The following EPHA3 variants were observed in gnomAD, a reference collection of about 807,000 sequenced individuals.
EPHA3 encodes EPH receptor A3, also known as ephrin type-A receptor 3.
In EPHA3, 42 loss-of-function variants were observed where a neutral mutation model predicts 107.1. The observed-to-expected ratio is 0.39, with a 90% CI of 0.31 to 0.51. The LOEUF (loss-of-function observed/expected upper bound fraction) is 0.51, where lower values mean the gene tolerates loss of function less well. Ranked by LOEUF, EPHA3 falls within the 20% of genes least tolerant of loss-of-function variation. EPHA3 has a pLI of 0.78. For missense variants in EPHA3, 1,183 were observed against 1,211.2 expected, an observed-to-expected ratio of 0.98 and a Z score of 0.35; for synonymous variants, 461 against 424.8, an observed-to-expected ratio of 1.09 and a Z score of -1.05.
At chr3:89,265,101 T>C (rs1448552774) in intron 3 of EPHA3, among the ~76,000 whole-genome samples, 1 of 152,148 alleles carries the variant, frequency 6.6e-6, no homozygotes, top group Non-Finnish European at 1.5e-5. Flanking sequence ...TCAGCAACAA[T>C]ATAGAGAGAC....
rs55794052 is a variant in EPHA3, at chr3:89,429,695, CATCTATCTATCT to C, written c.2136+563_2136+574del. Among the ~76,000 whole-genome samples the C allele has an allele frequency of 2.9e-3, 429 of 149,240 alleles. 1 individual carries two copies. Among genetic ancestry groups the C allele is most frequent in the Admixed American group, 6.9e-3 (103 of 14,854 alleles). On this transcript the variant is annotated intron_variant, in intron 12 of 16. Transcript: ENST00000336596. ...TGAGAAGCTTTATACGTTTATCTAT[CATCTATCTATCT>C]ATCTATCTATCTATCTATCTATCTA...
At chr3:89,478,146 T>C (rs537911081) in intron 16 of EPHA3, among the ~76,000 whole-genome samples, 55 of 152,316 alleles carry the variant, frequency 3.6e-4, no homozygotes, top group Non-Finnish European at 7.3e-4. Flanking sequence ...GCTGTCTTTT[T>C]TACCTAAATG....
intron 3 of EPHA3, among the ~76,000 whole-genome samples, chr3:89,214,435 G>T (rs762584518): frequency 1.5e-4 from 23 of 151,820 alleles, no homozygotes; most frequent in Non-Finnish European, 3.2e-4. Flanking sequence ...AGAACATTTA[G>T]ATATGATGAA....
rs1239232495 is a variant in EPHA3, at chr3:89,472,491, C to T, written c.2718C>T (p.Ser906=). Residue 906 remains serine (S), a synonymous_variant, in exon 16 of 17, where the codon AGC becomes AGT. Coordinates refer to ENST00000336596, the MANE Select transcript of EPHA3 (RefSeq NM_005233.6). ...ARPSNLLLDQ[S]NVDITTFRTT... Reference sequence around the variant, plus strand: ...CATCAAACCTTCTTCTGGACCAAAGCAATGTGGATATCACTACCTTCCGCA... The same window carrying T: ...CATCAAACCTTCTTCTGGACCAAAGTAATGTGGATATCACTACCTTCCGCA... 9 of 1,613,852 alleles carry T rather than the reference C, an allele frequency of 5.6e-6. No homozygotes were observed. In the East Asian group the frequency reaches 8.9e-5, roughly 16 times the overall value.
At chr3:89,308,434 T>A (rs1706679310) in intron 3 of EPHA3, among the ~76,000 whole-genome samples, 1 of 152,048 alleles carries the variant, frequency 6.6e-6, no homozygotes, top group African/African-American at 2.4e-5. Flanking sequence ...GCTATAATAG[T>A]GTGTGGGTGG....
At chr3:89,124,054 A>G (rs116600576) in intron 1 of EPHA3, among the ~76,000 whole-genome samples, 96 of 152,266 alleles carry the variant, frequency 6.3e-4, no homozygotes, top group Non-Finnish European at 1.1e-3. Flanking sequence ...GCGAACTCGT[A>G]TTGTCCAGCA....
At chr3:89,431,087 A>G in intron 12 of EPHA3, 63 bp from the exon 13 acceptor site, 1 of 1,495,992 alleles carries the variant, frequency 6.7e-7, no homozygotes, top group Non-Finnish European at 9.2e-7. Context: ...GATTTTAACC[A>G]ATAAAGATAT....
chr3:89,216,010 T>C (rs1412396555), intron 3 of EPHA3, among the ~76,000 whole-genome samples: 2 of 151,974 alleles, frequency 1.3e-5, no homozygotes, highest in African/African-American at 2.4e-5. Flanking sequence ...TTATTATTCT[T>C]ACACTAAGTT....
intron 3 of EPHA3, among the ~76,000 whole-genome samples, chr3:89,294,562 G>A (rs1179667775): frequency 6.6e-6 from 1 of 152,004 alleles, no homozygotes; most frequent in East Asian, 1.9e-4. Flanking sequence ...ATAGATGATT[G>A]CTATCCTTTC....
chr3:89,398,504 C>T lies in EPHA3; in HGVS notation c.1432-814C>T, dbSNP rs111766661. 8.1e-3 allele frequency among the ~76,000 whole-genome samples: 1,237 copies of T among 152,172 alleles called. 15 individuals carry two copies. Among genetic ancestry groups the T allele is most frequent in the African/African-American group, 0.028 (1,171 of 41,496 alleles). On this transcript the variant is annotated intron_variant, in intron 6 of 16. Transcript: ENST00000336596. ...AAACCACAGTGACTTAGATTAAATA[C>T]AGCACAAATACAGTTAAGCTAAAAA...
At chr3:89,401,762 C>T (rs1708968745) in intron 7 of EPHA3, among the ~76,000 whole-genome samples, 1 of 152,038 alleles carries the variant, frequency 6.6e-6, no homozygotes, top group Admixed American at 6.6e-5. Context: ...CTCATGTGCC[C>T]ACGTCTGGCT....
At chr3:89,294,834 T>C (rs567489321) in intron 3 of EPHA3, among the ~76,000 whole-genome samples, 89 of 152,318 alleles carry the variant, frequency 5.8e-4, no homozygotes, top group Middle Eastern at 3.4e-3. Flanking sequence ...TGAGTTGTAT[T>C]TCCTTGCATG....
intron 3 of EPHA3, among the ~76,000 whole-genome samples, chr3:89,294,945 A>G (rs1706310071): frequency 6.6e-6 from 1 of 152,092 alleles, no homozygotes; most frequent in South Asian, 2.1e-4. Flanking sequence ...TTTCTATGGG[A>G]CACAGTTAAA....
chr3:89,190,120 C>G (rs1705672803), intron 2 of EPHA3, among the ~76,000 whole-genome samples: 1 of 152,132 alleles, frequency 6.6e-6, no homozygotes, highest in South Asian at 2.1e-4. Flanking sequence ...AAAGCTGCAC[C>G]TGCTTCTTTG....
At chr3:89,379,515 A>G (rs1708461248) in intron 5 of EPHA3, among the ~76,000 whole-genome samples, 1 of 152,328 alleles carries the variant, frequency 6.6e-6, no homozygotes, top group South Asian at 2.1e-4. Context: ...TGGGTTTAGG[A>G]TATATACTTG....
intron 5 of EPHA3, among the ~76,000 whole-genome samples, chr3:89,386,757 T>A (rs1230497314): frequency 7.2e-5 from 11 of 152,120 alleles, no homozygotes. Context: ...TGAAAGTAAA[T>A]GGGAGGAGTG....
chr3:89,479,717 G>A lies in EPHA3; in HGVS notation c.*215G>A. ...GTGGGTGGGGTATTTTTTTGTAATT[G>A]CTTTTTTAAATATTAGTTAATGGAT... On this transcript the variant is annotated 3_prime_UTR_variant, in exon 17 of 17. Transcript: ENST00000336596. 8 of 472,648 alleles carry A rather than the reference G, an allele frequency of 1.7e-5. No individual in the cohort carries two copies. The highest frequency in any genetic ancestry group is 2.6e-5 in the Non-Finnish European group (7 of 265,174). The allele number at this position is 472,648 out of a possible 1,614,324, so 29.3% of individuals were successfully genotyped here. A position where few individuals can be genotyped will look rare whatever the true frequency, so the allele number is the denominator to read the frequency against.
chr3:89,170,244 A>C (rs1315358371), intron 2 of EPHA3, among the ~76,000 whole-genome samples: 1 of 148,056 alleles, frequency 6.8e-6, no homozygotes, highest in Non-Finnish European at 1.5e-5. Flanking sequence ...CGACAGAGAG[A>C]GACTCCGTAT....
intron 5 of EPHA3, among the ~76,000 whole-genome samples, chr3:89,347,683 G>A (rs1029420336): frequency 1.3e-5 from 2 of 150,632 alleles, no homozygotes; most frequent in Admixed American, 6.7e-5. Context: ...GGGCATCCCT[G>A]TCTTGTGCCA....
Sources: gnomAD v4.1 joint callset for allele counts (sites outside exome capture counted in the v4.1 genomes callset) on GRCh38, gnomAD v4.1.1 for gene constraint, MANE v1.5 for transcripts, NCBI Gene and HGNC (gene_info 2026-07-23, HGNC 2026-07-21) for gene names.